Variants in ZZZ3 observed in about 807,000 individuals in gnomAD.
ZZZ3 encodes ZZ-type zinc finger-containing protein 3.
A neutral mutation model predicts 95.2 loss-of-function variants in ZZZ3; 22 were observed. That is an observed-to-expected ratio of 0.23 (90% CI 0.17 to 0.33). ZZZ3 has a LOEUF of 0.33. ZZZ3 is among the 10% of genes least tolerant of loss of function. The probability of loss-of-function intolerance (pLI) is 1.00; values close to 1 mark genes in which losing one functional copy is unlikely to be tolerated. For missense variants in ZZZ3, 885 were observed against 1,066.5 expected, an observed-to-expected ratio of 0.83 and a Z score of 2.37; for synonymous variants, 335 against 358.9, an observed-to-expected ratio of 0.93 and a Z score of 0.75.
At chr1:77,681,320 C>G (rs1672735268) in intron 1 of ZZZ3, among the ~76,000 whole-genome samples, 1 of 152,054 alleles carries the variant, frequency 6.6e-6, no homozygotes, top group African/African-American at 2.4e-5. Context: ...AAAAAAAACA[C>G]TTTTGTAGTT....
chr1:77,611,836 G>A (rs1354788390), intron 5 of ZZZ3, among the ~76,000 whole-genome samples: 1 of 151,936 alleles, frequency 6.6e-6, no homozygotes, highest in African/African-American at 2.4e-5. Flanking sequence ...AAATGAAAAC[G>A]AGTGAAAGAC....
chr1:77,599,984 T>A (rs1421955898), intron 5 of ZZZ3, among the ~76,000 whole-genome samples: 1 of 152,114 alleles, frequency 6.6e-6, no homozygotes, highest in Non-Finnish European at 1.5e-5. Context: ...AAAGGTTTCA[T>A]CAACAATCCT....
chr1:77,567,672 C>G (rs1570382238), intron 13 of ZZZ3, among the ~76,000 whole-genome samples: 1 of 152,278 alleles, frequency 6.6e-6, no homozygotes, highest in African/African-American at 2.4e-5. Flanking sequence ...AGAGTAAGGG[C>G]AAGAACTGAG....
intron 1 of ZZZ3, among the ~76,000 whole-genome samples, chr1:77,669,150 G>A (rs552940681): frequency 6.6e-6 from 1 of 152,246 alleles, no homozygotes; most frequent in Admixed American, 6.5e-5. Context: ...GAGGCATTCA[G>A]ATCAAGACAA....
chr1:77,670,504 C>T (rs576487225), intron 1 of ZZZ3, among the ~76,000 whole-genome samples: 3 of 152,164 alleles, frequency 2.0e-5, no homozygotes, highest in South Asian at 2.1e-4. Flanking sequence ...GATGATCCGC[C>T]CACCTCGGCC....
chr1:77,589,502 A>G (rs192157153), intron 5 of ZZZ3, among the ~76,000 whole-genome samples: 3 of 151,734 alleles, frequency 2.0e-5, no homozygotes, highest in African/African-American at 7.3e-5. Context: ...CAGTGGTGCA[A>G]TCATAGCTCA....
At position 77,569,168 on chromosome 1, in the gene ZZZ3, C is replaced by G. The variant is rs148965180; in HGVS notation, c.2332-702G>C. 2.0e-5 allele frequency among the ~76,000 whole-genome samples: 3 copies of G among 152,290 alleles called. No homozygotes were observed. In the East Asian group the frequency reaches 5.8e-4, roughly 29 times the overall value. On this transcript the variant is annotated intron_variant, in intron 12 of 14. Coordinates refer to ENST00000370801, the MANE Select transcript of ZZZ3 (RefSeq NM_015534.6). ...CCTAGCCAACATGGCAAAAGCCTGT[C>G]TCTACTAAAAATACAAAAATTAGTT...
intron 5 of ZZZ3, among the ~76,000 whole-genome samples, chr1:77,623,429 G>A (rs1667062651): frequency 6.6e-6 from 1 of 152,080 alleles, no homozygotes; most frequent in Non-Finnish European, 1.5e-5. Flanking sequence ...GCTATATAAA[G>A]AACAACTAAC....
Position 77,633,039 on chromosome 1 carries a change from T to C in ZZZ3, c.316A>G (p.Arg106Gly). The C allele has an allele frequency of 1.2e-6, 2 of 1,613,946 alleles. No homozygotes were observed. The highest frequency in any genetic ancestry group is 1.7e-6 in the Non-Finnish European group (2 of 1,180,008). The change falls in exon 5 of 15, where the codon AGA becomes GGA. Residue 106 changes from arginine to glycine, a missense_variant. Around this residue, in one of 5 missense-constraint regions of ZZZ3, gnomAD observed 556 missense variants for 652.9 expected, o/e 0.85. Transcript: ENST00000370801. Reference sequence around the variant, plus strand: ...GGTGAAACAGGTTCTGTTTGCCTTCTCTCACAATTTTCTATAGCCTGCCTT... The same window carrying C: ...GGTGAAACAGGTTCTGTTTGCCTTCCCTCACAATTTTCTATAGCCTGCCTT... ...IERQAIENCE[R>G]RQTEPVSPVL...
chr1:77,644,344 C>T (rs931735620), intron 1 of ZZZ3, among the ~76,000 whole-genome samples: 4 of 152,226 alleles, frequency 2.6e-5, no homozygotes, highest in African/African-American at 9.6e-5. Flanking sequence ...GGATTACAGG[C>T]ATGAGCCACC....
chr1:77,579,664 G>T, intron 9 of ZZZ3, 36 bp from the exon 10 acceptor site: 1 of 1,201,612 alleles, frequency 8.3e-7, no homozygotes, highest in Non-Finnish European at 1.2e-6. Flanking sequence ...AAGAAAATAT[G>T]TATTTAATTT....
intron 8 of ZZZ3, 119 bp from the exon 9 acceptor site, chr1:77,581,188 T>C (rs1662482870): frequency 1.3e-6 from 1 of 789,896 alleles, no homozygotes; most frequent in African/African-American, 1.8e-5. Context: ...TGAGTAAATT[T>C]GTTTTTTAAT....
chr1:77,649,319 A>G (rs1177698895), intron 1 of ZZZ3, among the ~76,000 whole-genome samples: 4 of 151,038 alleles, frequency 2.6e-5, no homozygotes, highest in Non-Finnish European at 5.9e-5. Context: ...GTGGAAGCAC[A>G]TGCCAGAAAA....
chr1:77,669,021 AAAC>A (rs1460837737), intron 1 of ZZZ3, among the ~76,000 whole-genome samples: 4 of 152,188 alleles, frequency 2.6e-5, no homozygotes, highest in African/African-American at 9.7e-5. Flanking sequence ...AAAAAAAAAA[AAAC>A]AGCCTTATGC....
At chr1:77,625,759 G>T (rs376111185) in intron 5 of ZZZ3, among the ~76,000 whole-genome samples, 8 of 152,038 alleles carry the variant, frequency 5.3e-5, no homozygotes, top group Admixed American at 5.2e-4. Context: ...GGAGGCTGAG[G>T]GGGGCGGATC....
At chr1:77,627,134 A>C (rs1396544877) in intron 5 of ZZZ3, among the ~76,000 whole-genome samples, 1 of 152,188 alleles carries the variant, frequency 6.6e-6, no homozygotes, top group African/African-American at 2.4e-5. Context: ...GGATGAGGTA[A>C]CCAAGTATAG....
In ZZZ3 at chr1:77,570,339, G is replaced by A. The variant is rs558548942; in HGVS notation, c.2332-1873C>T. Among the ~76,000 whole-genome samples, 103 of 152,236 alleles carry A rather than the reference G, an allele frequency of 6.8e-4. 2 individuals carry two copies. Among genetic ancestry groups the A allele is most frequent in the East Asian group, 1.9e-4 (1 of 5,176 alleles). On this transcript the variant is annotated intron_variant, in intron 12 of 14. Transcript: ENST00000370801. ...GGGATGGTCTCGATCTCCTGACCTCGTGATCTGCCTGCCTCAGCCTCCCAA... is the reference window on the plus strand; with the variant it reads ...GGGATGGTCTCGATCTCCTGACCTCATGATCTGCCTGCCTCAGCCTCCCAA...
intron 4 of ZZZ3, among the ~76,000 whole-genome samples, chr1:77,634,016 A>G (rs945847113): frequency 4.6e-5 from 7 of 152,048 alleles, no homozygotes; most frequent in Admixed American, 3.9e-4. Flanking sequence ...CTAAAAATAC[A>G]AAAATTAGCC....
chr1:77,601,989 A>G (rs550135582), intron 5 of ZZZ3, among the ~76,000 whole-genome samples: 325 of 152,356 alleles, frequency 2.1e-3, no homozygotes, highest in African/African-American at 7.5e-3. Context: ...CGCTCTGCTA[A>G]TCTGCTGAAT....
Sources: gnomAD v4.1 joint callset for allele counts (sites outside exome capture counted in the v4.1 genomes callset) on GRCh38, gnomAD v4.1.1 for gene constraint, gnomAD v4.1.1 regional missense constraint, MANE v1.5 for transcripts, NCBI Gene and HGNC (gene_info 2026-07-23, HGNC 2026-07-21) for gene names.